SLC44A5: variants seen among roughly 807,000 people sequenced by gnomAD.
The protein encoded by SLC44A5 is choline transporter-like protein 5.
In SLC44A5, 57 loss-of-function variants were observed where a neutral mutation model predicts 101.8. That is an observed-to-expected ratio of 0.56 (90% CI 0.45 to 0.70). The LOEUF is 0.70. Among genes scored for constraint, SLC44A5 ranks in the 30% least tolerant of loss-of-function variants. The pLI, the probability that SLC44A5 is intolerant of heterozygous loss-of-function variation, is 0.00. For missense variants in SLC44A5, 737 were observed against 853.1 expected, an observed-to-expected ratio of 0.86 and a Z score of 1.70; for synonymous variants, 281 against 290.9, an observed-to-expected ratio of 0.97 and a Z score of 0.35.
chr1:75,670,004 C>G, the SLC44A5 span, among the ~76,000 whole-genome samples: 1 of 152,112 alleles, frequency 6.6e-6, no homozygotes, highest in African/African-American at 2.4e-5. Flanking sequence ...ATAGCACTTA[C>G]TATACAAATT....
intron 2 of SLC44A5, among the ~76,000 whole-genome samples, chr1:75,469,650 G>A (rs141910217): frequency 1.9e-3 from 290 of 152,228 alleles, no homozygotes; most frequent in African/African-American, 6.3e-3. Flanking sequence ...TGAGCACAGT[G>A]GCTTATGCCT....
chr1:75,566,378 A>G (rs1672786383), intron 1 of SLC44A5, among the ~76,000 whole-genome samples: 1 of 152,238 alleles, frequency 6.6e-6, no homozygotes, highest in South Asian at 2.1e-4. Context: ...TCTGTGAAAT[A>G]AAAGGCCAGT....
At chr1:75,582,072 G>A (rs1673726877) in intron 1 of SLC44A5, 1 of 702,114 alleles carries the variant, frequency 1.4e-6, no homozygotes, top group Non-Finnish European at 2.6e-6. Context: ...AGGCGCTTCA[G>A]GAGCCACGGG....
chr1:75,566,001 T>C (rs1672766195), intron 1 of SLC44A5, among the ~76,000 whole-genome samples: 2 of 152,312 alleles, frequency 1.3e-5, no homozygotes, highest in African/African-American at 4.8e-5. Flanking sequence ...AGGAAAACAC[T>C]GCTGTCTTTA....
At chr1:75,662,591 G>T in the SLC44A5 span, among the ~76,000 whole-genome samples, 2 of 152,028 alleles carry the variant, frequency 1.3e-5, no homozygotes, top group African/African-American at 2.4e-5. Context: ...ATTACATATT[G>T]TATGCATGTA....
chr1:75,463,330 G>C (rs1383802972), intron 2 of SLC44A5, among the ~76,000 whole-genome samples: 1 of 142,664 alleles, frequency 7.0e-6, no homozygotes, highest in East Asian at 2.2e-4. Context: ...TGAGGCAGGA[G>C]AATGGCGTGA....
At chr1:75,695,958 C>G in the SLC44A5 span, among the ~76,000 whole-genome samples, 1 of 151,320 alleles carries the variant, frequency 6.6e-6, no homozygotes. Flanking sequence ...TAATAGGAAA[C>G]TAGCCTTTTT....
chr1:75,269,898 G>A (rs1027427839), intron 6 of SLC44A5, among the ~76,000 whole-genome samples: 15 of 152,124 alleles, frequency 9.9e-5, no homozygotes, highest in East Asian at 1.9e-4. Flanking sequence ...GAGGGAACCC[G>A]TGGGAGATAA....
At chr1:75,556,532 C>A (rs931432623) in intron 1 of SLC44A5, among the ~76,000 whole-genome samples, 5 of 152,094 alleles carry the variant, frequency 3.3e-5, no homozygotes, top group Non-Finnish European at 5.9e-5. Flanking sequence ...TCACTTGCAT[C>A]TTTTCATTTC....
Position 75,383,810 on chromosome 1 carries a change from G to A in SLC44A5, c.52+12773C>T, listed in dbSNP as rs958583881. Among the ~76,000 whole-genome samples the A allele has an allele frequency of 3.3e-5, 5 of 152,074 alleles. No individual in the cohort carries two copies. The East Asian group carries it at 5.8e-4, about 18-fold the overall frequency. ...AATGTTAAGGGCAGCCAGAGAGAAA[G>A]GTCGGGTTACCCTCAAAGGGAAGCC... is the stretch of plus-strand genomic sequence containing the variant. On this transcript the variant is annotated intron_variant, in intron 3 of 23. Transcript: ENST00000370859.
At chr1:75,703,525 G>C in the SLC44A5 span, among the ~76,000 whole-genome samples, 14 of 151,954 alleles carry the variant, frequency 9.2e-5, no homozygotes, top group Non-Finnish European at 1.8e-4. Context: ...GTGGGGCGAG[G>C]GGGGAGGGAT....
the SLC44A5 span, among the ~76,000 whole-genome samples, chr1:75,699,634 C>A: frequency 2.0e-5 from 3 of 147,210 alleles, no homozygotes; most frequent in South Asian, 6.4e-4. Flanking sequence ...ATCATAATGA[C>A]AGGACCAAAT....
At chr1:75,292,050 C>T (rs1301129657) in intron 5 of SLC44A5, among the ~76,000 whole-genome samples, 5 of 150,518 alleles carry the variant, frequency 3.3e-5, no homozygotes, top group African/African-American at 9.8e-5. Context: ...CAGGGTAAAG[C>T]GTAATTTCAG....
chr1:75,343,890 A>G (rs938306505), intron 3 of SLC44A5, among the ~76,000 whole-genome samples: 7 of 152,108 alleles, frequency 4.6e-5, no homozygotes, highest in Non-Finnish European at 1.0e-4. Flanking sequence ...AATAATAAGG[A>G]ATCATGTTCT....
At chr1:75,612,924 A>G (rs1196410814), upstream of SLC44A5, among the ~76,000 whole-genome samples, 1 of 152,200 alleles carries the variant, frequency 6.6e-6, no homozygotes, top group Admixed American at 6.5e-5. Flanking sequence ...CATTATCAAT[A>G]TTGGATTGTA....
At chr1:75,210,049 C>CT (rs35106661) in intron 23 of SLC44A5, among the ~76,000 whole-genome samples, 59,076 of 147,730 alleles carry the variant, frequency 0.4, 11,947 homozygotes, top group Non-Finnish European at 0.43. Context: ...TTAAAAAAAT[C>CT]TTTTTTTTTT....
At chr1:75,235,976 A>T (rs555390724) in intron 11 of SLC44A5, among the ~76,000 whole-genome samples, 40 of 152,186 alleles carry the variant, frequency 2.6e-4, no homozygotes, top group Non-Finnish European at 4.6e-4. Context: ...TACACACATG[A>T]TGGGTATGAG....
At chr1:75,605,177 A>T (rs1675249955) in intron 1 of SLC44A5, among the ~76,000 whole-genome samples, 1 of 152,020 alleles carries the variant, frequency 6.6e-6, no homozygotes, top group Admixed American at 6.6e-5. Context: ...TACATTTAAA[A>T]ACCTGCCTTT....
intron 2 of SLC44A5, among the ~76,000 whole-genome samples, chr1:75,489,229 A>C (rs1025481723): frequency 4.7e-5 from 7 of 149,108 alleles, no homozygotes; most frequent in African/African-American, 1.4e-4. Flanking sequence ...GAATTTAGAG[A>C]GTAATTATTT....
Sources: gnomAD v4.1 joint callset for allele counts (sites outside exome capture counted in the v4.1 genomes callset) on GRCh38, gnomAD v4.1.1 for gene constraint, MANE v1.5 for transcripts, NCBI Gene and HGNC (gene_info 2026-07-23, HGNC 2026-07-21) for gene names.